Variants in DPH6 observed in about 807,000 individuals in gnomAD.
DPH6 encodes the protein diphthamine biosynthesis 6, also known as diphthine--ammonia ligase.
A neutral mutation model predicts 38.2 loss-of-function variants in DPH6; 33 were observed. The observed-to-expected ratio is 0.86, with a 90% CI of 0.65 to 1.15. The LOEUF (loss-of-function observed/expected upper bound fraction) is 1.15. DPH6 is among the 50% of genes most tolerant of loss of function. DPH6 has a pLI of 0.00. For missense variants in DPH6, 325 were observed against 320.0 expected (o/e 1.02, Z -0.12); for synonymous variants, 108 against 103.0 (o/e 1.05, Z -0.30).
chr15:35,147,826 A>C, the DPH6 span, among the ~76,000 whole-genome samples: 3 of 152,236 alleles, frequency 2.0e-5, no homozygotes, highest in Admixed American at 1.3e-4. Context: ...ATATAGAAGA[A>C]CTAGAGTGAT....
At chr15:35,201,626 C>T in the DPH6 span, among the ~76,000 whole-genome samples, 1 of 151,820 alleles carries the variant, frequency 6.6e-6, no homozygotes, top group African/African-American at 2.4e-5. Context: ...GCATGTTGCT[C>T]AATAAAGTTT....
rs1042908945 is a variant in DPH6, at chr15:35,353,271, C to G, written n.207+20250G>C. On this transcript the variant is annotated intron_variant and non_coding_transcript_variant, in intron 3 of 3. Coordinates refer to the DPH6 transcript ENST00000558973. ...GGTAGTTTCTTTTGCTGTGCAGAAG[C>G]TCTTTAGTTTAATTAGATCCCATTT... Among the ~76,000 whole-genome samples the G allele has an allele frequency of 2.5e-3, 384 of 152,232 alleles. 1 individual carries two copies. The highest frequency in any genetic ancestry group is 8.8e-3 in the African/African-American group (365 of 41,544).
At chr15:35,297,627 A>T (rs1370518961) in intron 3 of DPH6, among the ~76,000 whole-genome samples, 1 of 151,784 alleles carries the variant, frequency 6.6e-6, no homozygotes, top group African/African-American at 2.4e-5. Flanking sequence ...TCTTTTCTCT[A>T]TAGGTGACTT....
intron 3 of DPH6, among the ~76,000 whole-genome samples, chr15:35,469,254 T>C (rs2054167621): frequency 6.6e-6 from 1 of 152,232 alleles, no homozygotes; most frequent in Non-Finnish European, 1.5e-5. Context: ...ACTTTTCTTA[T>C]TGGTAAAATA....
At chr15:35,311,642 A>G (rs778446812) in intron 3 of DPH6, among the ~76,000 whole-genome samples, 2 of 152,238 alleles carry the variant, frequency 1.3e-5, no homozygotes, top group African/African-American at 2.4e-5. Flanking sequence ...ATCTGCTTTA[A>G]GTACAGTTAT....
chr15:35,538,467 A>C lies in DPH6; in HGVS notation c.119T>G (p.Val40Gly). Residue 40 changes from valine to glycine, a missense_variant and splice_region_variant, in exon 3 of 9, where the codon GTG (valine) becomes GGG (glycine). Transcript: ENST00000256538. ...LANLRPAENQ[V>G]GSDELDSYMY... is the part of the protein sequence containing the mutation. The stretch of plus-strand genomic sequence containing the variant: ...GTAGCTATCCAGTTCATCAGACCCC[A>C]CTGCAACAATTAAAATGGAAATAAT... 6.6e-7 allele frequency: 1 copy of C among 1,514,310 alleles called. No individual in the cohort carries two copies. Among genetic ancestry groups the C allele is most frequent in the Non-Finnish European group, 9.0e-7 (1 of 1,115,156 alleles). The allele number at this position is 1,514,310 out of a possible 1,614,324, so 93.8% of individuals were successfully genotyped here.
intron 3 of DPH6, among the ~76,000 whole-genome samples, chr15:35,527,129 C>T (rs545070031): frequency 2.6e-5 from 4 of 152,222 alleles, no homozygotes; most frequent in Admixed American, 2.6e-4. Context: ...TTACACTCAT[C>T]TCAATGCCCA....
At chr15:35,490,299 T>C in intron 3 of DPH6, 1 of 461,062 alleles carries the variant, frequency 2.2e-6, no homozygotes, top group Non-Finnish European at 2.8e-6. Context: ...ACCAAATGAA[T>C]GTGAGTAACT....
At chr15:35,401,764 T>C (rs1343439627) in intron 6 of DPH6, 2 of 675,528 alleles carry the variant, frequency 3.0e-6, no homozygotes, top group African/African-American at 3.5e-5. Flanking sequence ...GGCAGAAGAT[T>C]TTAATTACTG....
chr15:35,490,343 T>C lies in DPH6; in HGVS notation c.313-35523A>G, dbSNP rs79563721. On this transcript the variant is annotated intron_variant, in intron 3 of 8. Coordinates refer to ENST00000256538, the MANE Select transcript of DPH6 (RefSeq NM_080650.4). Reference sequence around the variant, plus strand: ...AACTATACTCCACCAATATAAAACATAATACCTTCAGTCTATTTGACCAAA... The same window carrying C: ...AACTATACTCCACCAATATAAAACACAATACCTTCAGTCTATTTGACCAAA... 1.9e-3 allele frequency: 497 copies of C among 266,862 alleles called. 3 individuals carry two copies. In the East Asian group the frequency reaches 0.034, roughly 18 times the overall value. The allele number at this position is 266,862 out of a possible 1,614,324, so 16.5% of individuals were successfully genotyped here.
At chr15:35,536,364 C>T (rs1156489877) in intron 3 of DPH6, among the ~76,000 whole-genome samples, 2 of 151,652 alleles carry the variant, frequency 1.3e-5, no homozygotes, top group Non-Finnish European at 2.9e-5. Flanking sequence ...CTATTTAGTC[C>T]CAGACAACTT....
At chr15:35,204,694 A>G in the DPH6 span, among the ~76,000 whole-genome samples, 12 of 151,726 alleles carry the variant, frequency 7.9e-5, no homozygotes, top group Non-Finnish European at 5.9e-5. Flanking sequence ...ATGTAATCAA[A>G]CTCCTCCATT....
intron 3 of DPH6, among the ~76,000 whole-genome samples, chr15:35,496,399 G>C: frequency 6.7e-6 from 1 of 150,282 alleles, no homozygotes. Context: ...ACTAAAAATA[G>C]AAAAAATTAG....
At chr15:35,428,026 A>G (rs958253538) in intron 5 of DPH6, among the ~76,000 whole-genome samples, 2 of 152,090 alleles carry the variant, frequency 1.3e-5, no homozygotes, top group African/African-American at 4.8e-5. Context: ...GAAGGAAAGT[A>G]GACCAGGAGG....
chr15:35,443,328 T>A (rs1442663528), intron 5 of DPH6, among the ~76,000 whole-genome samples: 1 of 152,192 alleles, frequency 6.6e-6, no homozygotes, highest in Non-Finnish European at 1.5e-5. Flanking sequence ...TTATTTTTAT[T>A]ACTTACAAAG....
At chr15:35,257,035 C>T (rs1195021698) in intron 3 of DPH6, among the ~76,000 whole-genome samples, 1 of 151,982 alleles carries the variant, frequency 6.6e-6, no homozygotes, top group Non-Finnish European at 1.5e-5. Context: ...TTGATAGTGA[C>T]AGGGGAGTGC....
chr15:35,338,413 CA>C (rs2052392308), intron 3 of DPH6, among the ~76,000 whole-genome samples: 1 of 152,088 alleles, frequency 6.6e-6, no homozygotes, highest in Admixed American at 6.5e-5. Context: ...TTTATGCAGC[CA>C]AAAAACAGAT....
chr15:35,338,712 GC>G (rs1225128957), intron 3 of DPH6, among the ~76,000 whole-genome samples: 2 of 151,994 alleles, frequency 1.3e-5, no homozygotes. Context: ...AAATCATGCT[GC>G]CATAAAGACA....
Position 35,266,633 on chromosome 15 carries a change from G to C in DPH6, n.201-46051C>G, listed in dbSNP as rs548963947. Among the ~76,000 whole-genome samples the C allele has an allele frequency of 1.1e-4, 16 of 152,218 alleles. No individual in the cohort carries two copies. The East Asian group carries it at 3.1e-3, about 29-fold the overall frequency. On this transcript the variant is annotated intron_variant and non_coding_transcript_variant, in intron 3 of 3. Transcript: ENST00000560386. ...TTAAGTATTTTGAATATTACTCCTGGTTGGTATCAAATGTCTAAAGGAGGT... is the reference window on the plus strand; with the variant it reads ...TTAAGTATTTTGAATATTACTCCTGCTTGGTATCAAATGTCTAAAGGAGGT...
Sources: allele counts gnomAD v4.1 joint callset (sites outside exome capture counted in the v4.1 genomes callset), GRCh38; gene constraint gnomAD v4.1.1; transcripts MANE v1.5; gene names NCBI Gene and HGNC (gene_info 2026-07-23, HGNC 2026-07-21).